The following MVB12B variants were observed in gnomAD, a reference collection of about 807,000 sequenced individuals.
The protein encoded by MVB12B is ESCRT-I complex subunit MVB12B.
In MVB12B, 16 loss-of-function variants were observed where a neutral mutation model predicts 41.6. That is an observed-to-expected ratio of 0.38 (90% CI 0.26 to 0.58). The LOEUF (loss-of-function observed/expected upper bound fraction) is 0.58. MVB12B is among the 20% of genes least tolerant of loss of function. The pLI is 0.62. For missense variants in MVB12B, 274 were observed against 380.2 expected (o/e 0.72, Z 2.32); for synonymous variants, 133 against 139.7 (o/e 0.95, Z 0.34).
chr9:126,435,839 C>T (rs1340906769), intron 7 of MVB12B, among the ~76,000 whole-genome samples: 3 of 152,210 alleles, frequency 2.0e-5, no homozygotes, highest in African/African-American at 7.2e-5. Flanking sequence ...TAGACAACAT[C>T]CTCAGATGTC....
intron 7 of MVB12B, among the ~76,000 whole-genome samples, chr9:126,465,277 C>A (rs1019475009): frequency 6.6e-6 from 1 of 152,218 alleles, no homozygotes; most frequent in Admixed American, 6.5e-5. Context: ...GGATCTTAAA[C>A]ATCTTCTAGC....
At chr9:126,336,749 T>TGCAC (rs567199740) in intron 1 of MVB12B, among the ~76,000 whole-genome samples, 1 of 52,200 alleles carries the variant, frequency 1.9e-5, no homozygotes, top group African/African-American at 6.8e-5. Flanking sequence ...TGTTTGTGTG[T>TGCAC]GCACGCACAC....
chr9:126,397,624 T>C, intron 6 of MVB12B: 1 of 985,382 alleles, frequency 1.0e-6, no homozygotes, highest in Non-Finnish European at 1.2e-6. Context: ...GTAAAAGCCA[T>C]TTGTCTGTCC....
chr9:126,344,876 TG>T (rs1829547056), intron 2 of MVB12B, among the ~76,000 whole-genome samples: 1 of 152,136 alleles, frequency 6.6e-6, no homozygotes, highest in Non-Finnish European at 1.5e-5. Flanking sequence ...ATCCTTTAAT[TG>T]GGAACCCACT....
rs137936477 is a variant in MVB12B, at chr9:126,468,842, C to T, written c.758-12527C>T. On this transcript the variant is annotated intron_variant, in intron 7 of 9. Coordinates refer to ENST00000361171, the MANE Select transcript of MVB12B (RefSeq NM_033446.3). This position sits in a 1 kb window ranked among gnomAD's most constrained non-coding sequence, Gnocchi z 4.3. ...TCTGCTGAGAATGGCCATCAGGACTCCTGGCAGGCTGGTTCTTGGTTGTCT... is the reference window on the plus strand; with the variant it reads ...TCTGCTGAGAATGGCCATCAGGACTTCTGGCAGGCTGGTTCTTGGTTGTCT... Among the ~76,000 whole-genome samples, 1,235 of 152,344 alleles carry T rather than the reference C, an allele frequency of 8.1e-3. 9 individuals are homozygous for T. The highest frequency in any genetic ancestry group is 0.015 in the Admixed American group (233 of 15,308).
intron 6 of MVB12B, among the ~76,000 whole-genome samples, chr9:126,413,212 G>A (rs565155850): frequency 5.3e-5 from 8 of 152,096 alleles, no homozygotes; most frequent in Non-Finnish European, 7.4e-5. Flanking sequence ...TGAGTAGACC[G>A]TCATAATTAA....
rs1831758209 is a variant in MVB12B, at chr9:126,414,713, C to T, written c.663-7141C>T. On this transcript the variant is annotated intron_variant, in intron 6 of 9. Coordinates refer to ENST00000361171, the MANE Select transcript of MVB12B (RefSeq NM_033446.3). ...TTTATGAACTCTCCTAAAATCTAAA[C>T]TCATGGATCTGCCTACAGAGTGGTC... Among the ~76,000 whole-genome samples, 3 of 152,214 alleles carry T rather than the reference C, an allele frequency of 2.0e-5. No homozygotes were observed. In the South Asian group the frequency reaches 6.2e-4, roughly 32 times the overall value.
rs573981242 is a variant in MVB12B, at chr9:126,432,062, C to T, written c.757+10114C>T. Among the ~76,000 whole-genome samples the T allele has an allele frequency of 2.0e-3, 299 of 152,276 alleles. 1 individual carries two copies. Among genetic ancestry groups the T allele is most frequent in the African/African-American group, 7.1e-3 (294 of 41,556 alleles). ...GTGGCCAGCAAATGTGCATTTACTG[C>T]CCCTGGACTTCACAGACATTCTGTC... On this transcript the variant is annotated intron_variant, in intron 7 of 9. Coordinates refer to ENST00000361171, the MANE Select transcript of MVB12B (RefSeq NM_033446.3).
At chr9:126,385,890 A>G (rs1160889179) in intron 3 of MVB12B, among the ~76,000 whole-genome samples, 5 of 152,222 alleles carry the variant, frequency 3.3e-5, no homozygotes, top group African/African-American at 1.2e-4. Context: ...TCGCAATTAC[A>G]GAATGGTGTA....
At position 126,386,113 on chromosome 9, in the gene MVB12B, G is replaced by C. The variant is rs1456481823; in HGVS notation, c.313-449G>C. ...CAACTGAAATGTGTGTCAGTATGCAGACTGGTGATCACTTAGGAGAGTGAT... is the reference window on the plus strand; with the variant it reads ...CAACTGAAATGTGTGTCAGTATGCACACTGGTGATCACTTAGGAGAGTGAT... On this transcript the variant is annotated intron_variant, in intron 3 of 9. Coordinates refer to ENST00000361171, the MANE Select transcript of MVB12B (RefSeq NM_033446.3). The surrounding 1 kb of genome is among the most constrained non-coding windows in gnomAD (Gnocchi z 4.3). Among the ~76,000 whole-genome samples the C allele has an allele frequency of 6.6e-6, 1 of 152,188 alleles. No homozygotes were observed. The highest frequency in any genetic ancestry group is 6.5e-5 in the Admixed American group (1 of 15,288).
At position 126,377,000 on chromosome 9, in the gene MVB12B, G is replaced by A. The variant is rs1357929868; in HGVS notation, c.205-4064G>A. Among the ~76,000 whole-genome samples the A allele has an allele frequency of 2.7e-5, 3 of 111,132 alleles. No individual in the cohort carries two copies. The highest frequency in any genetic ancestry group is 5.4e-5 in the Non-Finnish European group (3 of 55,166). The allele number at this position is 111,132 out of a possible 152,430, so 72.9% of individuals were successfully genotyped here. A position where few individuals can be genotyped will look rare whatever the true frequency, so the allele number is the denominator to read the frequency against. ...CCACGGGCCCCTTAGGTCACAACCCGCCCCCTCCCCCACACTTGCTAAATC... is the reference window on the plus strand; with the variant it reads ...CCACGGGCCCCTTAGGTCACAACCCACCCCCTCCCCCACACTTGCTAAATC... On this transcript the variant is annotated intron_variant, in intron 2 of 9. Coordinates refer to ENST00000361171, the MANE Select transcript of MVB12B (RefSeq NM_033446.3). This position sits in a 1 kb window ranked among gnomAD's most constrained non-coding sequence, Gnocchi z 4.1.
intron 1 of MVB12B, among the ~76,000 whole-genome samples, chr9:126,328,599 G>C (rs1829045858): frequency 6.6e-6 from 1 of 152,128 alleles, no homozygotes; most frequent in Non-Finnish European, 1.5e-5. Context: ...ACTAATGATA[G>C]TATTCATCTC....
intron 7 of MVB12B, among the ~76,000 whole-genome samples, chr9:126,425,785 A>C (rs571456585): frequency 1.3e-5 from 2 of 152,096 alleles, no homozygotes; most frequent in South Asian, 4.2e-4. Context: ...CTTGCTCTTC[A>C]TGTCCCCCAT....
intron 2 of MVB12B, among the ~76,000 whole-genome samples, chr9:126,341,440 T>C (rs1829441661): frequency 6.6e-6 from 1 of 152,238 alleles, no homozygotes; most frequent in Non-Finnish European, 1.5e-5. Flanking sequence ...TTCCTCACTT[T>C]GTTTGTGACG....
chr9:126,352,936 A>T (rs1214228472), intron 2 of MVB12B, among the ~76,000 whole-genome samples: 2 of 152,210 alleles, frequency 1.3e-5, no homozygotes, highest in Admixed American at 1.3e-4. Context: ...GTTACTCCTT[A>T]AAGTATGGAA....
At chr9:126,375,395 T>C (rs2118941120) in intron 2 of MVB12B, among the ~76,000 whole-genome samples, 1 of 105,378 alleles carries the variant, frequency 9.5e-6, no homozygotes, top group Admixed American at 1.1e-4. Context: ...CAAATAGCCT[T>C]AGGTGCATTG....
intron 9 of MVB12B, among the ~76,000 whole-genome samples, chr9:126,494,957 C>G (rs949048421): frequency 2.7e-4 from 41 of 151,958 alleles, no homozygotes; most frequent in African/African-American, 9.4e-4. Flanking sequence ...TTTGCCAAAC[C>G]AAGGTGGGTG....
rs902639546 is a variant in MVB12B at position 126,340,453 on chromosome 9, T to C, written c.82-55T>C. ...TGGTTCTGTTTGAGACTTTATATTA[T>C]TCACATAAATGCTATGTTTGAATTT... On this transcript the variant is annotated intron_variant, in intron 1 of 9. Transcript: ENST00000361171. The surrounding 1 kb of genome is among the most constrained non-coding windows in gnomAD (Gnocchi z 4.0). The C allele has an allele frequency of 1.1e-5, 18 of 1,600,554 alleles. No homozygotes were observed. The highest frequency in any genetic ancestry group is 1.5e-5 in the Non-Finnish European group (18 of 1,170,954).
Position 126,486,793 on chromosome 9 carries a change from C to T in MVB12B, c.873+2761C>T, listed in dbSNP as rs1397975583. On this transcript the variant is annotated intron_variant, in intron 9 of 9. Transcript: ENST00000361171. This position sits in a 1 kb window ranked among gnomAD's most constrained non-coding sequence, Gnocchi z 4.7. ...AAGACAAGGTGGAGACCCAGTGTGTCGTGCTCCAAGTCCTCCCCACTGTGA... is the reference window on the plus strand; with the variant it reads ...AAGACAAGGTGGAGACCCAGTGTGTTGTGCTCCAAGTCCTCCCCACTGTGA... 3.9e-5 allele frequency among the ~76,000 whole-genome samples: 6 copies of T among 152,276 alleles called. No individual in the cohort carries two copies. The East Asian group carries it at 9.7e-4, about 25-fold the overall frequency.
Sources: allele counts gnomAD v4.1 joint callset (sites outside exome capture counted in the v4.1 genomes callset), GRCh38; gene constraint gnomAD v4.1.1; non-coding constraint Gnocchi (gnomAD v3.1); transcripts MANE v1.5; gene names NCBI Gene and HGNC (gene_info 2026-07-23, HGNC 2026-07-21).